Variants in TNR observed in about 807,000 individuals in gnomAD.
TNR encodes tenascin-R.
TNR carries 45 observed loss-of-function variants against 150.4 expected under a neutral mutation model. The ratio of observed to expected loss-of-function variants is 0.30; its 90% CI spans 0.24 to 0.38. TNR has a LOEUF of 0.38. Ranked by LOEUF, TNR falls within the 10% of genes least tolerant of loss-of-function variation. The pLI is 1.00. For synonymous variants in TNR, 687 were observed against 678.4 expected (o/e 1.01, Z -0.20); for missense variants, 1,544 against 1,759.1 (o/e 0.88, Z 2.19).
chr1:175,710,901 C>A (rs1279566812), intron 1 of TNR, among the ~76,000 whole-genome samples: 2 of 152,114 alleles, frequency 1.3e-5, no homozygotes, highest in Non-Finnish European at 2.9e-5. Flanking sequence ...GCCTTCCATA[C>A]GATGGGCTAG....
chr1:175,401,313 A>G (rs538866818), intron 4 of TNR, among the ~76,000 whole-genome samples: 1 of 152,314 alleles, frequency 6.6e-6, no homozygotes, highest in African/African-American at 2.4e-5. Flanking sequence ...ACAGAATAGC[A>G]TTAACACAGC....
At chr1:175,408,682 A>G (rs932994072) in intron 2 of TNR, among the ~76,000 whole-genome samples, 1 of 152,192 alleles carries the variant, frequency 6.6e-6, no homozygotes, top group Non-Finnish European at 1.5e-5. Context: ...TAAAGTGGAG[A>G]TAATAATGGT....
intron 2 of TNR, among the ~76,000 whole-genome samples, chr1:175,463,251 C>T (rs1478341869): frequency 6.6e-6 from 1 of 152,142 alleles, no homozygotes; most frequent in African/African-American, 2.4e-5. Flanking sequence ...AGCAGGAGCT[C>T]CTGATTCCGT....
chr1:175,408,830 A>C (rs906503255), intron 2 of TNR, among the ~76,000 whole-genome samples: 17 of 152,216 alleles, frequency 1.1e-4, no homozygotes, highest in Non-Finnish European at 1.8e-4. Flanking sequence ...CTAGTCAAGG[A>C]CTTCCCTGAA....
chr1:175,586,378 G>A lies in TNR; in HGVS notation c.-164-58009C>T, dbSNP rs143496542. 1.1e-4 allele frequency among the ~76,000 whole-genome samples: 16 copies of A among 151,424 alleles called. 1 individual carries two copies. The East Asian group carries it at 3.1e-3, about 29-fold the overall frequency. On this transcript the variant is annotated intron_variant, in intron 1 of 22. Transcript: ENST00000367674. ...CTTTCCTTATACTTTTTTTTCCCCTGCAACCTCCGCCTCCCAGGTTCAAGC... is the reference window on the plus strand; with the variant it reads ...CTTTCCTTATACTTTTTTTTCCCCTACAACCTCCGCCTCCCAGGTTCAAGC...
rs112620430 is a variant in TNR, at chr1:175,652,736, C to T, written c.-165+90490G>A. Among the ~76,000 whole-genome samples, 636 of 152,256 alleles carry T rather than the reference C, an allele frequency of 4.2e-3. 8 individuals are homozygous for T. The highest frequency in any genetic ancestry group is 0.015 in the African/African-American group (612 of 41,560). On this transcript the variant is annotated intron_variant, in intron 1 of 22. Coordinates refer to ENST00000367674, the MANE Select transcript of TNR (RefSeq NM_003285.3). ...TGTAAGTTTCCTGAGGCCTTCCAGTCGTGCTTCCTGTTCAGCCTGCAGAAC... is the reference window on the plus strand; with the variant it reads ...TGTAAGTTTCCTGAGGCCTTCCAGTTGTGCTTCCTGTTCAGCCTGCAGAAC...
chr1:175,634,755 T>C (rs1023294464), intron 1 of TNR, among the ~76,000 whole-genome samples: 2 of 152,212 alleles, frequency 1.3e-5, no homozygotes, highest in African/African-American at 4.8e-5. Flanking sequence ...AGAACTCCTG[T>C]AGCACCAGAA....
At chr1:175,569,360 A>G (rs1233640366) in intron 1 of TNR, among the ~76,000 whole-genome samples, 2 of 152,178 alleles carry the variant, frequency 1.3e-5, no homozygotes, top group African/African-American at 4.8e-5. Flanking sequence ...TCCTCCCAGC[A>G]TCCCAAATTG....
chr1:175,331,037 CTTTCTTTCT>C (rs1407626936), intron 20 of TNR, among the ~76,000 whole-genome samples: 12 of 72,476 alleles, frequency 1.7e-4, no homozygotes, highest in Non-Finnish European at 3.3e-4. Context: ...TTCTTTCTTT[CTTTCTTTCT>C]TTCTTTCTTT....
At chr1:175,690,831 T>C (rs1666339686) in intron 1 of TNR, among the ~76,000 whole-genome samples, 2 of 151,990 alleles carry the variant, frequency 1.3e-5, no homozygotes, top group Admixed American at 1.3e-4. Context: ...GTGGGAGTCA[T>C]TGAAGGAGGA....
intron 1 of TNR, among the ~76,000 whole-genome samples, chr1:175,684,916 T>G (rs1666144099): frequency 1.3e-5 from 2 of 152,234 alleles, no homozygotes; most frequent in African/African-American, 4.8e-5. Flanking sequence ...CACACACTCC[T>G]CTTCCTCAGA....
intron 2 of TNR, among the ~76,000 whole-genome samples, chr1:175,500,798 G>C (rs1019416189): frequency 6.6e-6 from 1 of 152,262 alleles, no homozygotes; most frequent in Admixed American, 6.5e-5. Flanking sequence ...TCTGGAGCAG[G>C]AGGACGCTTA....
chr1:175,476,139 C>A (rs1198859664), intron 2 of TNR, among the ~76,000 whole-genome samples: 2 of 152,140 alleles, frequency 1.3e-5, no homozygotes, highest in Non-Finnish European at 2.9e-5. Context: ...CCACTCCACC[C>A]TTGGGCATTG....
intron 1 of TNR, among the ~76,000 whole-genome samples, chr1:175,590,625 A>AG (rs35438727): frequency 1.2e-4 from 19 of 152,180 alleles, no homozygotes; most frequent in Non-Finnish European, 2.2e-4. Flanking sequence ...GGCACAAAGG[A>AG]GGGGGGGATC....
chr1:175,507,432 G>A (rs909023075), intron 2 of TNR, among the ~76,000 whole-genome samples: 1 of 152,162 alleles, frequency 6.6e-6, no homozygotes, highest in Admixed American at 6.5e-5. Context: ...CTATGTGCCA[G>A]GAATGTTACA....
intron 1 of TNR, among the ~76,000 whole-genome samples, chr1:175,678,384 A>G (rs896264638): frequency 1.3e-5 from 2 of 152,110 alleles, no homozygotes; most frequent in African/African-American, 4.8e-5. Flanking sequence ...TGGCATCTGT[A>G]TTTTTTTAAA....
chr1:175,562,859 T>C (rs1571611673), intron 1 of TNR, among the ~76,000 whole-genome samples: 1 of 152,218 alleles, frequency 6.6e-6, no homozygotes, highest in African/African-American at 2.4e-5. Context: ...CATCTAATGA[T>C]AACCTGAGGT....
chr1:175,583,041 C>A (rs1328540098), intron 1 of TNR, among the ~76,000 whole-genome samples: 1 of 152,032 alleles, frequency 6.6e-6, no homozygotes. Context: ...ATGAGAAATA[C>A]CTTTTTGTTT....
At chr1:175,535,190 G>T (rs1394435187) in intron 1 of TNR, among the ~76,000 whole-genome samples, 1 of 152,182 alleles carries the variant, frequency 6.6e-6, no homozygotes, top group African/African-American at 2.4e-5. Context: ...TATTTGTGGT[G>T]CTTAGAGTTG....
Sources: allele counts gnomAD v4.1 joint callset (sites outside exome capture counted in the v4.1 genomes callset), GRCh38; gene constraint gnomAD v4.1.1; transcripts MANE v1.5; gene names NCBI Gene and HGNC (gene_info 2026-07-23, HGNC 2026-07-21).